The following ZNF804A variants were observed in gnomAD, a reference collection of about 807,000 sequenced individuals.
The protein encoded by ZNF804A is zinc finger protein 804A.
In ZNF804A, 2 loss-of-function variants were observed where a neutral mutation model predicts 16.5. The observed-to-expected ratio is 0.12, with a 90% CI of 0.05 to 0.38. The LOEUF (loss-of-function observed/expected upper bound fraction) is 0.38, where lower values mean the gene tolerates loss of function less well. Among genes scored for constraint, ZNF804A ranks in the 10% least tolerant of loss-of-function variants. ZNF804A has a pLI of 0.99. For missense variants in ZNF804A, 1,473 were observed against 1,390.7 expected, an observed-to-expected ratio of 1.06 and a Z score of -0.94; for synonymous variants, 534 against 489.6, an observed-to-expected ratio of 1.09 and a Z score of -1.20.
intron 1 of ZNF804A, among the ~76,000 whole-genome samples, chr2:184,681,958 C>T (rs1248153829): frequency 5.3e-5 from 8 of 152,202 alleles, no homozygotes; most frequent in Non-Finnish European, 1.2e-4. Flanking sequence ...TAAGCCAAGT[C>T]GGAGTGCTGT....
At chr2:184,884,718 G>A (rs1684859246) in intron 2 of ZNF804A, among the ~76,000 whole-genome samples, 1 of 151,998 alleles carries the variant, frequency 6.6e-6, no homozygotes, top group Non-Finnish European at 1.5e-5. Context: ...AGACTTAAAT[G>A]TATAACCTAA....
chr2:184,853,419 T>A (rs1695635667), intron 1 of ZNF804A, among the ~76,000 whole-genome samples: 1 of 151,896 alleles, frequency 6.6e-6, no homozygotes, highest in Admixed American at 6.6e-5. Flanking sequence ...TGGATAGGAC[T>A]TCCAATACTA....
intron 1 of ZNF804A, among the ~76,000 whole-genome samples, chr2:184,788,112 T>G (rs1342537642): frequency 6.6e-6 from 1 of 152,000 alleles, no homozygotes; most frequent in East Asian, 1.9e-4. Context: ...TTCCCATTGT[T>G]TATTTTTGTC....
At chr2:184,911,164 G>A (rs1160414419) in intron 2 of ZNF804A, among the ~76,000 whole-genome samples, 2 of 151,974 alleles carry the variant, frequency 1.3e-5, no homozygotes, top group Non-Finnish European at 2.9e-5. Context: ...AGAGTTAGGG[G>A]TCCAGATTCA....
Position 184,849,559 on chromosome 2 carries a change from G to A in ZNF804A, c.112-16810G>A, listed in dbSNP as rs1303119628. Among the ~76,000 whole-genome samples the A allele has an allele frequency of 3.3e-5, 5 of 151,968 alleles. No individual in the cohort carries two copies. The East Asian group carries it at 9.6e-4, about 29-fold the overall frequency. ...ATACCATCTTTCCCCAGTTAAAATG[G>A]ATTCCATCCAAAAGATAGGCAATAA... On this transcript the variant is annotated intron_variant, in intron 1 of 3. Transcript: ENST00000302277.
intron 1 of ZNF804A, among the ~76,000 whole-genome samples, chr2:184,630,372 T>A (rs1196950374): frequency 6.6e-6 from 1 of 152,164 alleles, no homozygotes; most frequent in Non-Finnish European, 1.5e-5. Context: ...TTCAGGTCCC[T>A]TTTAACAGTG....
chr2:184,665,788 G>T (rs769122175), intron 1 of ZNF804A, among the ~76,000 whole-genome samples: 14 of 152,252 alleles, frequency 9.2e-5, no homozygotes, highest in Non-Finnish European at 2.1e-4. Flanking sequence ...GAAGTTGCCT[G>T]CATTTTTTTT....
intron 1 of ZNF804A, among the ~76,000 whole-genome samples, chr2:184,803,993 T>C (rs1694763085): frequency 6.6e-6 from 1 of 151,922 alleles, no homozygotes; most frequent in African/African-American, 2.4e-5. Flanking sequence ...CTCCTGAGTC[T>C]CTGGGATTAG....
At chr2:184,677,247 T>C (rs549375753) in intron 1 of ZNF804A, among the ~76,000 whole-genome samples, 4 of 152,016 alleles carry the variant, frequency 2.6e-5, no homozygotes, top group African/African-American at 7.2e-5. Context: ...TAATCAACAA[T>C]ACAATTTTTT....
At chr2:184,731,426 C>G (rs1002440474) in intron 1 of ZNF804A, among the ~76,000 whole-genome samples, 3 of 151,832 alleles carry the variant, frequency 2.0e-5, no homozygotes, top group African/African-American at 4.8e-5. Flanking sequence ...TTTGGCCATT[C>G]GAATAGATAT....
At chr2:184,922,970 T>C (rs1685553598) in intron 2 of ZNF804A, among the ~76,000 whole-genome samples, 1 of 152,088 alleles carries the variant, frequency 6.6e-6, no homozygotes, top group Non-Finnish European at 1.5e-5. Context: ...CTCTGTATTA[T>C]AATTTAAGCC....
At chr2:184,664,052 G>C (rs981102831) in intron 1 of ZNF804A, among the ~76,000 whole-genome samples, 3 of 152,126 alleles carry the variant, frequency 2.0e-5, no homozygotes, top group Non-Finnish European at 4.4e-5. Context: ...TATATACTTT[G>C]TCTCTTTTGT....
In ZNF804A at chr2:184,695,609, G is replaced by A. The variant is rs540745963; in HGVS notation, c.111+96539G>A. Among the ~76,000 whole-genome samples the A allele has an allele frequency of 4.0e-5, 6 of 151,822 alleles. No individual in the cohort carries two copies. The South Asian group carries it at 1.3e-3, about 32-fold the overall frequency. On this transcript the variant is annotated intron_variant, in intron 1 of 3. Coordinates refer to ENST00000302277, the MANE Select transcript of ZNF804A (RefSeq NM_194250.2). ...TTTTTTTACATTTTTGTAGAGATGG[G>A]GTCTTGCCATATTACCCGGGCTGGT... is the stretch of plus-strand genomic sequence containing the variant.
chr2:184,598,667 C>A lies in ZNF804A; in HGVS notation c.-293C>A. ...CCCGCTCGGTTCCGTTTCGCCGGCC[C>A]GGCCCCCTCCTAGGCTGGAATCCTC... is the stretch of plus-strand genomic sequence containing the variant. On this transcript the variant is annotated 5_prime_UTR_variant, in exon 1 of 4. Coordinates refer to ENST00000302277, the MANE Select transcript of ZNF804A (RefSeq NM_194250.2). The A allele has an allele frequency of 4.6e-6, 1 of 217,956 alleles. No individual in the cohort carries two copies. The highest frequency in any genetic ancestry group is 9.0e-6 in the Non-Finnish European group (1 of 111,274). 13.5% of individuals were successfully genotyped at this position (217,956 alleles called of 1,614,324 possible).
intron 2 of ZNF804A, 125 bp downstream of exon 2, chr2:184,866,637 T>G (rs1421877954): frequency 1.2e-6 from 1 of 848,820 alleles, no homozygotes; most frequent in African/African-American, 1.8e-5. Flanking sequence ...TTTTGAAATA[T>G]ATCATTCTGG....
chr2:184,639,872 G>A (rs1043215130), intron 1 of ZNF804A, among the ~76,000 whole-genome samples: 1 of 152,112 alleles, frequency 6.6e-6, no homozygotes, highest in African/African-American at 2.4e-5. Flanking sequence ...CGAGGGGGCA[G>A]GTGCCTGTAG....
intron 2 of ZNF804A, among the ~76,000 whole-genome samples, chr2:184,867,920 G>A (rs1010427467): frequency 8.5e-5 from 13 of 152,170 alleles, no homozygotes; most frequent in Middle Eastern, 3.4e-3. Flanking sequence ...ATTTGGAAAT[G>A]CATGTGTGTT....
At chr2:184,664,776 G>C (rs1692230513) in intron 1 of ZNF804A, among the ~76,000 whole-genome samples, 1 of 152,050 alleles carries the variant, frequency 6.6e-6, no homozygotes, top group Non-Finnish European at 1.5e-5. Flanking sequence ...TTATGGCAGT[G>C]GCTGTTTTAT....
intron 1 of ZNF804A, among the ~76,000 whole-genome samples, chr2:184,855,256 C>T (rs1270853381): frequency 6.6e-6 from 1 of 151,982 alleles, no homozygotes; most frequent in Non-Finnish European, 1.5e-5. Context: ...AAGTTGTGTC[C>T]TCAGTGTTTT....
Sources: gnomAD v4.1 joint callset for allele counts (sites outside exome capture counted in the v4.1 genomes callset) on GRCh38, gnomAD v4.1.1 for gene constraint, MANE v1.5 for transcripts, NCBI Gene and HGNC (gene_info 2026-07-23, HGNC 2026-07-21) for gene names.